The following ART1 variants were observed in gnomAD, a reference collection of about 807,000 sequenced individuals.
ART1 encodes the protein GPI-linked NAD(P)(+)--arginine ADP-ribosyltransferase 1.
Under a neutral mutation model 27.0 loss-of-function variants are expected in ART1, and 29 were observed. The ratio of observed to expected loss-of-function variants is 1.08; its 90% CI spans 0.80 to 1.47. The LOEUF is 1.47. Among genes scored for constraint, ART1 ranks in the 40% most tolerant of loss-of-function variants. The pLI, the probability that ART1 is intolerant of heterozygous loss-of-function variation, is 0.00. For missense variants in ART1, 480 were observed against 423.0 expected, an observed-to-expected ratio of 1.13 and a Z score of -1.18; for synonymous variants, 201 against 172.2, an observed-to-expected ratio of 1.17 and a Z score of -1.31.
chr11:3,654,900 G>GTT (rs200348132), intron 1 of ART1, among the ~76,000 whole-genome samples: 2,975 of 152,294 alleles, frequency 0.02, 49 homozygotes, highest in Admixed American at 0.03. Context: ...GATGTATCTT[G>GTT]TTTATTGTAG....
chr11:3,655,469 A>G (rs1045320715), intron 1 of ART1: 27 of 152,168 alleles, frequency 1.8e-4, no homozygotes, highest in African/African-American at 6.5e-4. Flanking sequence ...TAAATCCCTT[A>G]CACTTTTGGC....
At chr11:3,660,438 G>A (rs1208910984) in intron 3 of ART1, 75 bp downstream of exon 3, 23 of 1,490,514 alleles carry the variant, frequency 1.5e-5, no homozygotes, top group East Asian at 4.5e-5. Context: ...TTGGCAAACC[G>A]AAGCCCCTAT....
chr11:3,651,317 AG>A (rs1159094488), intron 1 of ART1, among the ~76,000 whole-genome samples: 1 of 151,130 alleles, frequency 6.6e-6, no homozygotes, highest in Admixed American at 6.6e-5. Flanking sequence ...CTTCACAGAC[AG>A]CCCCCATTAC....
At chr11:3,650,392 C>T (rs1027668289) in intron 1 of ART1, among the ~76,000 whole-genome samples, 31 of 152,230 alleles carry the variant, frequency 2.0e-4, no homozygotes, top group African/African-American at 3.9e-4. Flanking sequence ...CAGATCTTCT[C>T]GGCTTAGCAG....
intron 1 of ART1, among the ~76,000 whole-genome samples, chr11:3,653,402 C>A (rs972049645): frequency 6.7e-6 from 1 of 148,246 alleles, no homozygotes; most frequent in Non-Finnish European, 1.5e-5. Flanking sequence ...CCTGGCTCAT[C>A]CTGGCTCAAA....
At chr11:3,645,331 C>A (rs964728405) in intron 1 of ART1, among the ~76,000 whole-genome samples, 152 bp downstream of exon 1, 1 of 152,006 alleles carries the variant, frequency 6.6e-6, no homozygotes, top group African/African-American at 2.4e-5. Flanking sequence ...AGGTTGGGAG[C>A]CATGGGAAGT....
rs990943446 is a variant in ART1 at position 3,664,376 on chromosome 11, G to C, written c.*187G>C. ...CAATCTGGGGACTGAACCTTACCCA[G>C]GGCTGTAGGAGTGAGACTCTGAATA... On this transcript the variant is annotated 3_prime_UTR_variant, in exon 5 of 5. Transcript: ENST00000250693. 1 of 594,166 alleles carries C rather than the reference G, an allele frequency of 1.7e-6. No homozygotes were observed. The highest frequency in any genetic ancestry group is 3.0e-5 in the Admixed American group (1 of 33,526). The allele number at this position is 594,166 out of a possible 1,614,324, so 36.8% of individuals were successfully genotyped here.
intron 1 of ART1, among the ~76,000 whole-genome samples, chr11:3,646,592 A>G (rs1215726588): frequency 6.6e-6 from 1 of 152,178 alleles, no homozygotes; most frequent in Non-Finnish European, 1.5e-5. Flanking sequence ...CTAGAAAGCC[A>G]AGGAGGAGTG....
chr11:3,649,429 A>G (rs2077498919), intron 1 of ART1, among the ~76,000 whole-genome samples: 1 of 152,168 alleles, frequency 6.6e-6, no homozygotes, highest in East Asian at 1.9e-4. Context: ...TTTACACATC[A>G]GTCCCTCCCT....
intron 1 of ART1, among the ~76,000 whole-genome samples, chr11:3,655,095 C>G (rs941769306): frequency 6.6e-6 from 1 of 152,202 alleles, no homozygotes; most frequent in Admixed American, 6.5e-5. Flanking sequence ...CTTGGTTGGG[C>G]AGCTCTGCTC....
chr11:3,659,072 T>G, intron 1 of ART1, 90 bp from the exon 2 acceptor site: 1 of 758,476 alleles, frequency 1.3e-6, no homozygotes, highest in South Asian at 1.7e-5. Flanking sequence ...GTCTGTCTTA[T>G]GACTCTCAGT....
chr11:3,658,979 A>G (rs1258867610), intron 1 of ART1, among the ~76,000 whole-genome samples, 183 bp from the exon 2 acceptor site: 1 of 91,312 alleles, frequency 1.1e-5, no homozygotes, highest in Admixed American at 1.8e-4. Flanking sequence ...TGTTCATCCT[A>G]CAAGACCTGT....
At chr11:3,650,845 C>A (rs573070749) in intron 1 of ART1, among the ~76,000 whole-genome samples, 2,444 of 126,726 alleles carry the variant, frequency 0.019, 84 homozygotes, top group African/African-American at 0.065. Flanking sequence ...TATAAGGCAC[C>A]TCTACTTCCT....
intron 1 of ART1, among the ~76,000 whole-genome samples, chr11:3,657,259 C>A (rs1207784941): frequency 6.6e-6 from 1 of 152,154 alleles, no homozygotes; most frequent in African/African-American, 2.4e-5. Context: ...GACCCATTGA[C>A]TATATTACCA....
intron 1 of ART1, among the ~76,000 whole-genome samples, chr11:3,653,254 C>G (rs574984967): frequency 6.7e-6 from 1 of 148,642 alleles, no homozygotes; most frequent in Admixed American, 6.6e-5. Context: ...CGAAGCTAAG[C>G]CATCATGTCC....
At chr11:3,650,448 T>A (rs1237399783) in intron 1 of ART1, among the ~76,000 whole-genome samples, 1 of 152,170 alleles carries the variant, frequency 6.6e-6, no homozygotes, top group Non-Finnish European at 1.5e-5. Flanking sequence ...CCCTAGACCA[T>A]CAGGGACTCC....
chr11:3,645,984 G>A (rs1399311753), intron 1 of ART1, among the ~76,000 whole-genome samples: 2 of 152,146 alleles, frequency 1.3e-5, no homozygotes, highest in African/African-American at 4.8e-5. Context: ...GTGCGAGCCT[G>A]CAGAGGGTGC....
Position 3,660,116 on chromosome 11 carries a change from C to CT in ART1, c.600dup (p.Ala201CysfsTer15), listed in dbSNP as rs776376314. 3 of 1,613,862 alleles carry CT rather than the reference C, an allele frequency of 1.9e-6. No homozygotes were observed. In the Admixed American group the frequency reaches 5.0e-5, roughly 27 times the overall value. On this transcript the variant is annotated frameshift_variant, in exon 3 of 5. Transcript: ENST00000250693. LOFTEE classifies it high-confidence loss of function. ...CCCGGGCCACCGTGAGGCTGGGGGG[C>CT]TTTGCTTCTGCCTCCCTGAAGCATG...
chr11:3,657,940 T>C (rs1203509464), intron 1 of ART1, among the ~76,000 whole-genome samples: 1 of 152,174 alleles, frequency 6.6e-6, no homozygotes, highest in Non-Finnish European at 1.5e-5. Flanking sequence ...AGCAGGGAGA[T>C]ATTTATGTAC....
Sources: allele counts gnomAD v4.1 joint callset (sites outside exome capture counted in the v4.1 genomes callset), GRCh38; gene constraint gnomAD v4.1.1; transcripts MANE v1.5; gene names NCBI Gene and HGNC (gene_info 2026-07-23, HGNC 2026-07-21).